The following DENND1A variants were observed in gnomAD, a reference collection of about 807,000 sequenced individuals.
DENND1A encodes the protein DENN domain containing 1A, also known as DENN domain-containing protein 1A.
In DENND1A, 51 loss-of-function variants were observed where a neutral mutation model predicts 113.7. The ratio of observed to expected loss-of-function variants is 0.45; its 90% confidence interval spans 0.36 to 0.57. The LOEUF is 0.57. Among genes scored for constraint, DENND1A ranks in the 20% least tolerant of loss-of-function variants. DENND1A has a pLI of 0.00. For missense variants in DENND1A, 1,258 were observed against 1,395.9 expected (o/e 0.90, Z 1.57); for synonymous variants, 565 against 570.8 (o/e 0.99, Z 0.14).
At chr9:123,615,124 CA>C (rs1476575933) in intron 10 of DENND1A, among the ~76,000 whole-genome samples, 1 of 152,178 alleles carries the variant, frequency 6.6e-6, no homozygotes, top group Non-Finnish European at 1.5e-5. Context: ...ATGTAACTGC[CA>C]GTGTAGGAGA....
chr9:123,664,147 A>G (rs2063382834), intron 8 of DENND1A, among the ~76,000 whole-genome samples: 1 of 152,244 alleles, frequency 6.6e-6, no homozygotes, highest in South Asian at 2.1e-4. Flanking sequence ...ATACACATAC[A>G]TACATACCTT....
chr9:123,581,046 G>T (rs1385475300), intron 12 of DENND1A, among the ~76,000 whole-genome samples: 1 of 151,944 alleles, frequency 6.6e-6, no homozygotes, highest in African/African-American at 2.4e-5. Flanking sequence ...CAGGATGAAT[G>T]ACATCCTAAA....
At chr9:123,448,007 A>C (rs2047434354) in intron 18 of DENND1A, among the ~76,000 whole-genome samples, 1 of 152,212 alleles carries the variant, frequency 6.6e-6, no homozygotes, top group Admixed American at 6.5e-5. Context: ...AAGGGGGGAA[A>C]AGTGAAAATT....
Position 123,677,419 on chromosome 9 carries a change from G to A in DENND1A, c.303-630C>T, listed in dbSNP as rs544921212. Among the ~76,000 whole-genome samples the A allele has an allele frequency of 2.6e-5, 4 of 152,208 alleles. No individual in the cohort carries two copies. In the South Asian group the frequency reaches 6.2e-4, roughly 24 times the overall value. On this transcript the variant is annotated intron_variant, in intron 5 of 23. Transcript: ENST00000394215. Reference sequence around the variant, plus strand: ...CTCAGTCCTGTGGTCCACTCTGTGTGGCTTGTTTTTTGTTTGTTTGTTTGT... The same window carrying A: ...CTCAGTCCTGTGGTCCACTCTGTGTAGCTTGTTTTTTGTTTGTTTGTTTGT...
intron 2 of DENND1A, among the ~76,000 whole-genome samples, chr9:123,865,956 G>A (rs991241219): frequency 6.6e-6 from 1 of 152,186 alleles, no homozygotes; most frequent in Non-Finnish European, 1.5e-5. Flanking sequence ...GGAAATGAAT[G>A]TTCCACTTAG....
At chr9:123,450,596 C>A (rs1342027774) in intron 18 of DENND1A, 97 bp downstream of exon 18, 3 of 924,560 alleles carry the variant, frequency 3.2e-6, no homozygotes, top group African/African-American at 1.7e-5. Context: ...GTTAACAACA[C>A]TGTATCAAAC....
chr9:123,917,293 TC>T (rs1252627380), intron 1 of DENND1A, among the ~76,000 whole-genome samples: 10 of 152,180 alleles, frequency 6.6e-5, no homozygotes, highest in African/African-American at 2.4e-4. Context: ...TTGACTACAG[TC>T]CCAGTGAAAT....
chr9:123,875,953 A>G (rs1588041037), intron 2 of DENND1A, among the ~76,000 whole-genome samples: 2 of 152,182 alleles, frequency 1.3e-5, no homozygotes, highest in Non-Finnish European at 2.9e-5. Context: ...GGATAACATT[A>G]TATTTCTTAA....
chr9:123,534,064 C>A (rs2055541580), intron 13 of DENND1A, among the ~76,000 whole-genome samples: 1 of 152,234 alleles, frequency 6.6e-6, no homozygotes. Flanking sequence ...ATTTATCACA[C>A]AATTTATATG....
intron 13 of DENND1A, among the ~76,000 whole-genome samples, chr9:123,518,963 T>C (rs2054164058): frequency 6.6e-6 from 1 of 152,240 alleles, no homozygotes. Flanking sequence ...TTGCATGACG[T>C]GAACCTGCCT....
intron 3 of DENND1A, among the ~76,000 whole-genome samples, chr9:123,770,498 G>T (rs77056923): frequency 6.6e-6 from 1 of 152,102 alleles, no homozygotes; most frequent in Non-Finnish European, 1.5e-5. Flanking sequence ...ACATAGACAG[G>T]TAGTTAGTTA....
intron 13 of DENND1A, among the ~76,000 whole-genome samples, chr9:123,536,799 G>T (rs61193313): frequency 0.11 from 17,217 of 152,140 alleles, 1,426 homozygotes; most frequent in African/African-American, 0.23. Context: ...GATCAAAGTA[G>T]GGGAAGGGAA....
intron 5 of DENND1A, among the ~76,000 whole-genome samples, chr9:123,693,863 C>G (rs989560867): frequency 6.7e-6 from 1 of 149,466 alleles, no homozygotes; most frequent in Non-Finnish European, 1.5e-5. Context: ...GAATCTCTCT[C>G]TTTCACCAGG....
At chr9:123,488,880 G>A (rs1170959513) in intron 13 of DENND1A, among the ~76,000 whole-genome samples, 6 of 152,064 alleles carry the variant, frequency 3.9e-5, no homozygotes, top group African/African-American at 1.4e-4. Context: ...AGGGAGAGAG[G>A]GCCTGCCGAG....
At chr9:123,746,136 C>T (rs1031651571) in intron 5 of DENND1A, among the ~76,000 whole-genome samples, 2 of 152,058 alleles carry the variant, frequency 1.3e-5, no homozygotes, top group African/African-American at 2.4e-5. Flanking sequence ...TGTATATGTA[C>T]ATTTGACGCC....
chr9:123,854,748 G>A (rs1017667465), intron 2 of DENND1A, among the ~76,000 whole-genome samples: 5 of 150,450 alleles, frequency 3.3e-5, no homozygotes, highest in African/African-American at 1.2e-4. Context: ...TGAAGCAACT[G>A]ATTTAATCAA....
At chr9:123,398,873 C>A (rs1231607195) in intron 21 of DENND1A, among the ~76,000 whole-genome samples, 1 of 151,398 alleles carries the variant, frequency 6.6e-6, no homozygotes, top group Admixed American at 6.6e-5. Context: ...CGGCTCACTG[C>A]AAGCTCCACC....
At chr9:123,609,316 T>G in intron 11 of DENND1A, 120 bp downstream of exon 11, 1 of 1,068,172 alleles carries the variant, frequency 9.4e-7, no homozygotes. Flanking sequence ...CGCTGGGAGG[T>G]GCTGCTTCAG....
intron 2 of DENND1A, among the ~76,000 whole-genome samples, chr9:123,818,732 G>A (rs1339712111): frequency 6.6e-6 from 1 of 151,996 alleles, no homozygotes; most frequent in Non-Finnish European, 1.5e-5. Flanking sequence ...CTCATGTGTG[G>A]AATCGTCCAT....
Sources: gnomAD v4.1 joint callset for allele counts (sites outside exome capture counted in the v4.1 genomes callset) on GRCh38, gnomAD v4.1.1 for gene constraint, MANE v1.5 for transcripts, NCBI Gene and HGNC (gene_info 2026-07-23, HGNC 2026-07-21) for gene names.